EPB42: variants seen among roughly 807,000 people sequenced by gnomAD.
EPB42 encodes protein 4.2.
In EPB42, 49 loss-of-function variants were observed where a neutral mutation model predicts 76.9. The observed-to-expected ratio is 0.64, with a 90% CI of 0.51 to 0.81. The LOEUF (loss-of-function observed/expected upper bound fraction) is 0.81. Ranked by LOEUF, EPB42 falls within the 30% of genes least tolerant of loss-of-function variation. The pLI, the probability that EPB42 is intolerant of heterozygous loss-of-function variation, is 0.00. For synonymous variants in EPB42, 310 were observed against 338.4 expected (o/e 0.92, Z 0.92); for missense variants, 731 against 867.6 (o/e 0.84, Z 1.98).
At chr15:43,215,708 CTTTT>C (rs2042368079) in intron 2 of EPB42, among the ~76,000 whole-genome samples, 1 of 152,152 alleles carries the variant, frequency 6.6e-6, no homozygotes, top group South Asian at 2.1e-4. Context: ...TTCTTTCTTT[CTTTT>C]TGAGACGGAG....
chr15:43,212,402 A>AAT (rs2042314799), intron 3 of EPB42, among the ~76,000 whole-genome samples: 2 of 152,016 alleles, frequency 1.3e-5, no homozygotes, highest in African/African-American at 4.8e-5. Flanking sequence ...AAGAAAAAAA[A>AAT]AAGAAAATCC....
chr15:43,220,298 G>C (rs1394538210), intron 1 of EPB42, among the ~76,000 whole-genome samples: 2 of 152,066 alleles, frequency 1.3e-5, no homozygotes, highest in Non-Finnish European at 2.9e-5. Context: ...CTTGCTTTGT[G>C]TCTGCCTCTG....
At chr15:43,221,821 TAAAAAAAAAAAA>T (rs56939497), upstream of EPB42, among the ~76,000 whole-genome samples, 2 of 107,472 alleles carry the variant, frequency 1.9e-5, no homozygotes, top group Non-Finnish European at 3.9e-5. Flanking sequence ...TCTTATTATG[TAAAAAAAAAAAA>T]AAAAAAAAAA....
rs538781293 is a variant in EPB42 at position 43,207,252 on chromosome 15, C to A, written c.1265G>T (p.Gly422Val). The A allele has an allele frequency of 2.0e-5, 33 of 1,614,126 alleles. No homozygotes were observed. The East Asian group carries it at 6.7e-4, about 33-fold the overall frequency. ...GTCCTCGCAGCGGTCACTGCCCACA[C>A]CCTTGGTGCTGATGTTGTTGCCAAC... Reference protein sequence around the residue: ...KYVGNNISTKGVGSDRCEDIT... With the variant: ...KYVGNNISTKVVGSDRCEDIT... The change falls in exon 9 of 13, where the codon GGT becomes GTT. Residue 422 changes from glycine (G) to valine (V), a missense_variant. Coordinates refer to ENST00000441366, the MANE Select transcript of EPB42 (RefSeq NM_001114134.2).
chr15:43,207,787 C>T (rs565622104), intron 8 of EPB42, among the ~76,000 whole-genome samples: 2 of 152,310 alleles, frequency 1.3e-5, no homozygotes, highest in East Asian at 3.9e-4. Context: ...TTACTAGGTG[C>T]CAGGCTCTGT....
rs1380460626 is a variant in EPB42, at chr15:43,206,410, A to G, written c.1538T>C (p.Val513Ala). The G allele has an allele frequency of 6.2e-7, 1 of 1,614,090 alleles. No homozygotes were observed. The highest frequency in any genetic ancestry group is 8.5e-7 in the Non-Finnish European group (1 of 1,180,018). ...QEKAVQLAIG[V>A]QAVHYNGVLA... ...GACACCGTTGTAGTGTACAGCCTGG[A>G]CCCCAATTGCCAGCTGCACTGCCTT... Residue 513 changes from valine (V) to alanine (A), a missense_variant, in exon 10 of 13, where the codon GTC becomes GCC. Transcript: ENST00000441366. This position sits in a 1 kb window ranked among gnomAD's most constrained non-coding sequence, Gnocchi z 4.7.
intron 2 of EPB42, 24 bp from the exon 3 acceptor site, chr15:43,215,352 T>C (rs1269167527): frequency 1.6e-5 from 25 of 1,609,000 alleles, no homozygotes; most frequent in Non-Finnish European, 2.1e-5. Flanking sequence ...GTGATTAGTC[T>C]GTCACTGGGA....
intron 2 of EPB42, 26 bp from the exon 3 acceptor site, chr15:43,215,354 T>C (rs1428068035): frequency 6.2e-7 from 1 of 1,606,586 alleles, no homozygotes. Context: ...GATTAGTCTG[T>C]CACTGGGACT....
chr15:43,209,388 C>T lies in EPB42; in HGVS notation c.718G>A (p.Ala240Thr), dbSNP rs1054393668. 4 of 1,613,902 alleles carry T rather than the reference C, an allele frequency of 2.5e-6. No individual in the cohort carries two copies. The highest frequency in any genetic ancestry group is 3.4e-6 in the Non-Finnish European group (4 of 1,179,924). ...CTGCCCCGGCGCTTGTTCAGCAAGG[C>T]CCCTTCCTGGGTGGCCTGGGTCTGC... ...TPQTQATQEG[A>T]LLNKRRGSVP... The change falls in exon 6 of 13, where the codon GCC becomes ACC. Residue 240 changes from alanine to threonine, a missense_variant. Transcript: ENST00000441366.
intron 5 of EPB42, 27 bp from the exon 6 acceptor site, chr15:43,209,478 G>A (rs2142294644): frequency 1.3e-6 from 2 of 1,599,134 alleles, no homozygotes; most frequent in Non-Finnish European, 1.7e-6. Flanking sequence ...GTGGATGTCA[G>A]TATGAGTCCC....
chr15:43,207,279 T>C lies in EPB42; in HGVS notation c.1238A>G (p.Tyr413Cys). ...TLELTDSNTKYVGNNISTKGV... is the reference protein window; with the variant it reads ...TLELTDSNTKCVGNNISTKGV... ...CTTGGTGCTGATGTTGTTGCCAACA[T>C]ACTTTGTGTTGGAGTCAGTCAACTC... The change falls in exon 9 of 13, where the codon TAT (tyrosine) becomes TGT (cysteine). Residue 413 changes from tyrosine (Y) to cysteine (C), a missense_variant. Coordinates refer to ENST00000441366, the MANE Select transcript of EPB42 (RefSeq NM_001114134.2). The C allele has an allele frequency of 6.2e-7, 1 of 1,614,220 alleles. No homozygotes were observed. Among genetic ancestry groups the C allele is most frequent in the East Asian group, 2.2e-5 (1 of 44,880 alleles).
rs576134166 is a variant in EPB42, at chr15:43,218,030, C to T, written c.11-1577G>A. Among the ~76,000 whole-genome samples the T allele has an allele frequency of 7.7e-4, 117 of 152,178 alleles. 2 individuals are homozygous for T. The South Asian group carries it at 0.024, about 31-fold the overall frequency. ...TCTGGTCCTCATGTCCCTGGGTGCCCCTTGCATCCTTGTATCCCCCTCCTC... is the reference window on the plus strand; with the variant it reads ...TCTGGTCCTCATGTCCCTGGGTGCCTCTTGCATCCTTGTATCCCCCTCCTC... On this transcript the variant is annotated intron_variant, in intron 1 of 12. Coordinates refer to ENST00000441366, the MANE Select transcript of EPB42 (RefSeq NM_001114134.2).
rs543531548 is a variant in EPB42, at chr15:43,206,197, T to G, written c.1618+133A>C. 5.5e-6 allele frequency: 5 copies of G among 911,862 alleles called. No homozygotes were observed. The highest frequency in any genetic ancestry group is 8.0e-6 in the Non-Finnish European group (5 of 621,340). The allele number at this position is 911,862 out of a possible 1,614,324, so 56.5% of individuals were successfully genotyped here. On this transcript the variant is annotated intron_variant, in intron 10 of 12. Transcript: ENST00000441366. The surrounding 1 kb of genome is among the most constrained non-coding windows in gnomAD (Gnocchi z 4.7). ...TTGAATGAATGAATGAGAGAGAACA[T>G]GAGAGTGAGCAGCAGGGGCTCAAAG...
intron 1 of EPB42, among the ~76,000 whole-genome samples, chr15:43,218,291 A>T (rs1168797953): frequency 6.6e-6 from 1 of 152,116 alleles, no homozygotes; most frequent in African/African-American, 2.4e-5. Context: ...GTGTATCCGA[A>T]CCCACGTAAT....
intron 1 of EPB42, 165 bp downstream of exon 1, chr15:43,220,651 C>T (rs561141642): frequency 4.0e-6 from 3 of 749,346 alleles, no homozygotes; most frequent in East Asian, 4.4e-5. Context: ...CCTACCACAC[C>T]CCCCCCCCAC....
chr15:43,212,369 C>CAAAAAAA (rs35031544), intron 3 of EPB42, among the ~76,000 whole-genome samples: 10 of 86,842 alleles, frequency 1.2e-4, no homozygotes, highest in South Asian at 3.7e-4. Flanking sequence ...AACTCCGTCT[C>CAAAAAAA]AAAAAAAAAA....
chr15:43,215,105 G>A lies in EPB42; in HGVS notation c.420C>T (p.Pro140=). The change falls in exon 3 of 13, where the codon CCC becomes CCT. Residue 140 remains proline, a synonymous_variant. Coordinates refer to ENST00000441366, the MANE Select transcript of EPB42 (RefSeq NM_001114134.2). The stretch of plus-strand genomic sequence containing the variant: ...CAGGTCCAAACTTACCTCTATTCCA[G>A]GGGTTAAAAAGCAGTGTGAACTGAC... ...LLGQFTLLFN[P]WNREDAVFLK... 1 of 1,614,098 alleles carries A rather than the reference G, an allele frequency of 6.2e-7. No homozygotes were observed. Among genetic ancestry groups the A allele is most frequent in the South Asian group, 1.1e-5 (1 of 91,070 alleles).
At position 43,206,393 on chromosome 15, in the gene EPB42, T is replaced by C; in HGVS notation, c.1555A>G (p.Asn519Asp). 1 of 1,614,128 alleles carries C rather than the reference T, an allele frequency of 6.2e-7. No individual in the cohort carries two copies. The highest frequency in any genetic ancestry group is 8.5e-7 in the Non-Finnish European group (1 of 1,180,020). Reference protein sequence around the residue: ...LAIGVQAVHYNGVLAAKLWRK... With the variant: ...LAIGVQAVHYDGVLAAKLWRK... ...CAGAGCTTGGCAGCAAGGACACCGT[T>C]GTAGTGTACAGCCTGGACCCCAATT... The change falls in exon 10 of 13, where the codon AAC becomes GAC. Residue 519 changes from asparagine to aspartate, a missense_variant. Asn to Asp is a conservative substitution (Grantham distance 23). Transcript: ENST00000441366. This position sits in a 1 kb window ranked among gnomAD's most constrained non-coding sequence, Gnocchi z 4.7.
At position 43,215,304 on chromosome 15, in the gene EPB42, C is replaced by T. The variant is rs760656821; in HGVS notation, c.221G>A (p.Arg74Lys). The T allele has an allele frequency of 2.5e-6, 4 of 1,614,196 alleles. No individual in the cohort carries two copies. The East Asian group carries it at 8.9e-5, about 36-fold the overall frequency. Residue 74 changes from arginine to lysine, a missense_variant, in exon 3 of 13, where the codon AGG becomes AAG. By Grantham distance (26) the Arg-to-Lys change is conservative. Coordinates refer to ENST00000441366, the MANE Select transcript of EPB42 (RefSeq NM_001114134.2). ...GGAAATTGGGAATGTGGCTTGGGTCCTGTTGATCTTGGAAGGCTGCTCTCC... is the reference window on the plus strand; with the variant it reads ...GGAAATTGGGAATGTGGCTTGGGTCTTGTTGATCTTGGAAGGCTGCTCTCC... ...QTGEQPSKIN[R>K]TQATFPISSL...
Sources: gnomAD v4.1 joint callset for allele counts (sites outside exome capture counted in the v4.1 genomes callset) on GRCh38, gnomAD v4.1.1 for gene constraint, Gnocchi (gnomAD v3.1) non-coding constraint, MANE v1.5 for transcripts, NCBI Gene and HGNC (gene_info 2026-07-23, HGNC 2026-07-21) for gene names.